Variants in NELL1 observed in about 807,000 individuals in gnomAD.
NELL1 encodes the protein protein kinase C-binding protein NELL1.
In NELL1, 76 loss-of-function variants were observed where a neutral mutation model predicts 107.4. The observed-to-expected ratio is 0.71, with a 90% CI of 0.59 to 0.86. The LOEUF (loss-of-function observed/expected upper bound fraction) is 0.86. Ranked by LOEUF, NELL1 falls within the 40% of genes least tolerant of loss-of-function variation. The pLI, the probability that NELL1 is intolerant of heterozygous loss-of-function variation, is 0.00. For synonymous variants in NELL1, 353 were observed against 341.2 expected, an observed-to-expected ratio of 1.03 and a Z score of -0.38; for missense variants, 1,024 against 1,005.5, an observed-to-expected ratio of 1.02 and a Z score of -0.25.
chr11:21,271,106 A>T (rs1387818846), intron 14 of NELL1, among the ~76,000 whole-genome samples: 1 of 152,060 alleles, frequency 6.6e-6, no homozygotes, highest in African/African-American at 2.4e-5. Context: ...AAAAAATTAG[A>T]TCCAAAATAA....
intron 14 of NELL1, among the ~76,000 whole-genome samples, chr11:21,361,536 G>C (rs1422647878): frequency 6.6e-6 from 1 of 151,964 alleles, no homozygotes; most frequent in Non-Finnish European, 1.5e-5. Flanking sequence ...TAGATCTCTA[G>C]TAAGACCAGG....
At chr11:21,193,487 A>G (rs1303344586) in intron 13 of NELL1, among the ~76,000 whole-genome samples, 2 of 151,934 alleles carry the variant, frequency 1.3e-5, no homozygotes, top group African/African-American at 2.4e-5. Flanking sequence ...ATAAATATTT[A>G]AAATTTATTT....
At chr11:20,854,064 A>T (rs1249835943) in intron 4 of NELL1, among the ~76,000 whole-genome samples, 4 of 152,146 alleles carry the variant, frequency 2.6e-5, no homozygotes, top group Admixed American at 2.6e-4. Flanking sequence ...TTATGAAAGG[A>T]TGTAAAGTTT....
chr11:21,237,653 C>T (rs1454014), intron 14 of NELL1, among the ~76,000 whole-genome samples: 120,763 of 151,996 alleles, frequency 0.79, 48,342 homozygotes, highest in Non-Finnish European at 0.84. Context: ...GGTTATCTAA[C>T]TGGAAAAAGA....
At position 21,250,139 on chromosome 11, in the gene NELL1, T is replaced by G. The variant is rs937677541; in HGVS notation, c.1549+20685T>G. ...CAACAAACCAGCAACTATTTAAAAG[T>G]GTCATAAGGGTTCATTCTTTGAGTA... On this transcript the variant is annotated intron_variant, in intron 14 of 19. Transcript: ENST00000357134. Among the ~76,000 whole-genome samples the G allele has an allele frequency of 5.3e-5, 8 of 152,316 alleles. No individual in the cohort carries two copies. The East Asian group carries it at 1.2e-3, about 22-fold the overall frequency.
At position 21,575,202 on chromosome 11, in the gene NELL1, A is replaced by G; in HGVS notation, c.*180A>G. 1 of 597,662 alleles carries G rather than the reference A, an allele frequency of 1.7e-6. No individual in the cohort carries two copies. Among genetic ancestry groups the G allele is most frequent in the Non-Finnish European group, 3.0e-6 (1 of 331,972 alleles). 37.0% of individuals were successfully genotyped at this position (597,662 alleles called of 1,614,324 possible). A position where few individuals can be genotyped will look rare whatever the true frequency, so the allele number is the denominator to read the frequency against. ...GCCTTTTGGACCTACCACTTTGCTC[A>G]TTCTTGCTAACCTAGTCTAGGTGAC... On this transcript the variant is annotated 3_prime_UTR_variant, in exon 20 of 20. Coordinates refer to ENST00000357134, the MANE Select transcript of NELL1 (RefSeq NM_006157.5).
At position 21,355,263 on chromosome 11, in the gene NELL1, C is replaced by T. The variant is rs143136006; in HGVS notation, c.1550-15590C>T. Among the ~76,000 whole-genome samples the T allele has an allele frequency of 1.2e-3, 177 of 152,262 alleles. 1 individual carries two copies. Among genetic ancestry groups the T allele is most frequent in the African/African-American group, 4.1e-3 (169 of 41,558 alleles). The stretch of plus-strand genomic sequence containing the variant: ...GATGTGTGCACCAGTTAGTGAGAGG[C>T]AGACTGCAAAGAGTTTTTGATATTT... On this transcript the variant is annotated intron_variant, in intron 14 of 19. Coordinates refer to ENST00000357134, the MANE Select transcript of NELL1 (RefSeq NM_006157.5).
chr11:21,462,181 G>A (rs1033462282), intron 15 of NELL1, among the ~76,000 whole-genome samples: 15 of 151,996 alleles, frequency 9.9e-5, no homozygotes, highest in African/African-American at 3.4e-4. Context: ...TCAAACTGTA[G>A]TCTCATACAA....
At chr11:21,574,456 A>G (rs578117964) in intron 19 of NELL1, among the ~76,000 whole-genome samples, 1 of 151,754 alleles carries the variant, frequency 6.6e-6, no homozygotes, top group Non-Finnish European at 1.5e-5. Flanking sequence ...TAGTACATAA[A>G]ATTTTTAATG....
chr11:21,495,880 TATATTA>T lies in NELL1; in HGVS notation c.1646-38488_1646-38483del, dbSNP rs138306430. ...CTCTTTTCTTGATGTTTCTGCATAC[TATATTA>T]ATATTTTATTTAGAATTATAAATAT... On this transcript the variant is annotated intron_variant, in intron 15 of 19. Transcript: ENST00000357134. Among the ~76,000 whole-genome samples the T allele has an allele frequency of 1.1e-3, 165 of 152,232 alleles. 6 individuals carry two copies. The East Asian group carries it at 0.03, about 28-fold the overall frequency.
intron 4 of NELL1, among the ~76,000 whole-genome samples, chr11:20,871,452 T>G (rs1849195111): frequency 6.6e-6 from 1 of 152,226 alleles, no homozygotes; most frequent in Non-Finnish European, 1.5e-5. Flanking sequence ...TACTGGTGTC[T>G]GCCTATATAT....
chr11:21,094,842 A>T (rs545438073), intron 12 of NELL1, among the ~76,000 whole-genome samples: 33 of 152,310 alleles, frequency 2.2e-4, no homozygotes, highest in African/African-American at 7.5e-4. Context: ...CTGTGATGGA[A>T]GGGGTTGCTG....
chr11:21,404,410 C>A (rs1216994355), intron 15 of NELL1, among the ~76,000 whole-genome samples: 1 of 151,794 alleles, frequency 6.6e-6, no homozygotes, highest in Non-Finnish European at 1.5e-5. Context: ...GAGTATGTGG[C>A]CCATAAGAAA....
At chr11:21,154,326 A>G (rs1396061875) in intron 13 of NELL1, among the ~76,000 whole-genome samples, 2 of 152,218 alleles carry the variant, frequency 1.3e-5, no homozygotes, top group African/African-American at 4.8e-5. Flanking sequence ...GGATGGTGAT[A>G]TTAAATCTGG....
chr11:21,423,046 T>C (rs1006077136), intron 15 of NELL1, among the ~76,000 whole-genome samples: 1 of 152,064 alleles, frequency 6.6e-6, no homozygotes, highest in Non-Finnish European at 1.5e-5. Context: ...TATACTAATA[T>C]AAAAAATAGA....
rs138451551 is a variant in NELL1, at chr11:20,881,372, C to T, written c.507-4072C>T. On this transcript the variant is annotated intron_variant, in intron 4 of 19. Coordinates refer to ENST00000357134, the MANE Select transcript of NELL1 (RefSeq NM_006157.5). The stretch of plus-strand genomic sequence containing the variant: ...ATGGGGCTTTTGTGGCTGAAACTGC[C>T]CTTCATTGCTTGTCTAGAGAGGCAG... 8.6e-3 allele frequency among the ~76,000 whole-genome samples: 1,307 copies of T among 152,146 alleles called. 11 individuals are homozygous for T. The highest frequency in any genetic ancestry group is 0.015 in the Non-Finnish European group (1,019 of 68,002).
chr11:20,770,261 T>C (rs1446442731), intron 2 of NELL1, among the ~76,000 whole-genome samples: 2 of 152,178 alleles, frequency 1.3e-5, no homozygotes, highest in Admixed American at 1.3e-4. Context: ...AAGGAGCAAG[T>C]GGCATTTCCA....
At chr11:21,394,769 A>C (rs982781086) in intron 15 of NELL1, among the ~76,000 whole-genome samples, 5 of 151,478 alleles carry the variant, frequency 3.3e-5, no homozygotes, top group Non-Finnish European at 7.4e-5. Context: ...TCATGTTTTA[A>C]AATTTAAATA....
intron 13 of NELL1, chr11:21,169,791 C>T (rs1031895686): frequency 8.9e-6 from 12 of 1,345,284 alleles, no homozygotes; most frequent in Non-Finnish European, 1.0e-6. Context: ...CTGCCGGGCA[C>T]CCGGAGAGTG....
Sources: allele counts gnomAD v4.1 joint callset (sites outside exome capture counted in the v4.1 genomes callset), GRCh38; gene constraint gnomAD v4.1.1; transcripts MANE v1.5; gene names NCBI Gene and HGNC (gene_info 2026-07-23, HGNC 2026-07-21).